The following ZBP1 variants were observed in gnomAD, a reference collection of about 807,000 sequenced individuals.
ZBP1 encodes the protein Z-DNA binding protein 1.
ZBP1 carries 42 observed loss-of-function variants against 41.1 expected under a neutral mutation model. That is an observed-to-expected ratio of 1.02 (90% CI 0.80 to 1.32). ZBP1 has a LOEUF of 1.32. Among genes scored for constraint, ZBP1 ranks in the 40% most tolerant of loss-of-function variants. The pLI is 0.00. For missense variants in ZBP1, 562 were observed against 549.7 expected (o/e 1.02, Z -0.22); for synonymous variants, 214 against 205.2 (o/e 1.04, Z -0.37).
rs1324690301 is a variant in ZBP1, at chr20:57,615,544, T to C, written c.296A>G (p.Glu99Gly). ...TTGGCTGAACTGAGGGCCAGGGGTC[T>C]CTGGAATTGTAGCTGCATGTTGCTG... ...RPQQHAATIP[E>G]TPGPQFSQQR... The change falls in exon 3 of 8, where the codon GAG (glutamate) becomes GGG (glycine). Residue 99 changes from glutamate to glycine, a missense_variant. Transcript: ENST00000371173. 3 of 1,613,016 alleles carry C rather than the reference T, an allele frequency of 1.9e-6. No homozygotes were observed. The African/African-American group carries it at 4.0e-5, about 22-fold the overall frequency.
chr20:57,612,960 G>A (rs763777687), intron 5 of ZBP1: 46 of 1,430,446 alleles, frequency 3.2e-5, no homozygotes, highest in Non-Finnish European at 3.9e-5. Flanking sequence ...AAGTATCAGA[G>A]TACAGGGAAA....
At chr20:57,608,306 T>G (rs965919077) in intron 7 of ZBP1, among the ~76,000 whole-genome samples, 1 of 152,156 alleles carries the variant, frequency 6.6e-6, no homozygotes, top group Non-Finnish European at 1.5e-5. Context: ...TATTTTTTAG[T>G]AGAGAGAGGG....
chr20:57,607,233 C>G lies in ZBP1; in HGVS notation c.1094-2464G>C, dbSNP rs1331776596. ...TCAAACTATCAACATTCACAGGAGT[C>G]TGGAAGAAGTTGATTCCAAATTTCA... is the stretch of plus-strand genomic sequence containing the variant. On this transcript the variant is annotated intron_variant, in intron 7 of 7. Coordinates refer to ENST00000371173, the MANE Select transcript of ZBP1 (RefSeq NM_030776.3). 5.4e-6 allele frequency: 7 copies of G among 1,303,656 alleles called. No individual in the cohort carries two copies. The African/African-American group carries it at 9.1e-5, about 17-fold the overall frequency. 80.8% of individuals were successfully genotyped at this position (1,303,656 alleles called of 1,614,324 possible).
In ZBP1 at chr20:57,610,091, A is replaced by C; in HGVS notation, c.1093+58T>G. The C allele has an allele frequency of 6.6e-7, 1 of 1,512,064 alleles. No individual in the cohort carries two copies. The highest frequency in any genetic ancestry group is 9.2e-7 in the Non-Finnish European group (1 of 1,092,838). The allele number at this position is 1,512,064 out of a possible 1,614,324, so 93.7% of individuals were successfully genotyped here. ...ATCGATGAGAGTGAATGAATGAATGAGTGGAAGGTGGGGAGAGAGAGAGAA... is the reference window on the plus strand; with the variant it reads ...ATCGATGAGAGTGAATGAATGAATGCGTGGAAGGTGGGGAGAGAGAGAGAA... On this transcript the variant is annotated intron_variant, in intron 7 of 7. Transcript: ENST00000371173. The surrounding 1 kb of genome is among the most constrained non-coding windows in gnomAD (Gnocchi z 5.5).
At chr20:57,608,572 G>A (rs1360821017) in intron 7 of ZBP1, among the ~76,000 whole-genome samples, 1 of 152,240 alleles carries the variant, frequency 6.6e-6, no homozygotes, top group East Asian at 1.9e-4. Context: ...CCCTCCCAAG[G>A]GTCCCCAGTG....
chr20:57,614,805 C>T, intron 4 of ZBP1, 82 bp downstream of exon 4: 2 of 1,556,882 alleles, frequency 1.3e-6, no homozygotes, highest in Non-Finnish European at 1.7e-6. Flanking sequence ...CGGTGAGCTG[C>T]TCAGCAGAGC....
chr20:57,605,713 T>C (rs1458230443), intron 7 of ZBP1, among the ~76,000 whole-genome samples: 3 of 152,156 alleles, frequency 2.0e-5, no homozygotes, highest in Non-Finnish European at 4.4e-5. Context: ...GGTGGGCAGA[T>C]CACCTGAGGT....
chr20:57,607,534 G>A (rs1236332208), intron 7 of ZBP1, among the ~76,000 whole-genome samples: 2 of 152,254 alleles, frequency 1.3e-5, no homozygotes, highest in East Asian at 3.8e-4. Flanking sequence ...TAAAGCAGCA[G>A]CAGGGTTGGG....
At chr20:57,620,094 C>T in intron 1 of ZBP1, 168 bp downstream of exon 1, 1 of 777,612 alleles carries the variant, frequency 1.3e-6, no homozygotes, top group Non-Finnish European at 2.1e-6. Flanking sequence ...ACCTCGCCTC[C>T]CAAAGTGCTG....
chr20:57,620,386 G>C lies in ZBP1; in HGVS notation c.-91C>G, dbSNP rs1008894119. 6.8e-7 allele frequency: 1 copy of C among 1,465,346 alleles called. No homozygotes were observed. The highest frequency in any genetic ancestry group is 9.3e-7 in the Non-Finnish European group (1 of 1,080,882). The allele number at this position is 1,465,346 out of a possible 1,614,324, so 90.8% of individuals were successfully genotyped here. A position where few individuals can be genotyped will look rare whatever the true frequency, so the allele number is the denominator to read the frequency against. On this transcript the variant is annotated 5_prime_UTR_variant, in exon 1 of 8. Transcript: ENST00000371173. Reference sequence around the variant, plus strand: ...GAGAGGGTGGGCTAGGTCGAGGCTGGGGCTTCTGAAGTGGCCGAGCCTGGT... The same window carrying C: ...GAGAGGGTGGGCTAGGTCGAGGCTGCGGCTTCTGAAGTGGCCGAGCCTGGT...
chr20:57,611,811 C>A lies in ZBP1; in HGVS notation c.790G>T (p.Val264Leu). 6.2e-7 allele frequency: 1 copy of A among 1,611,918 alleles called. No individual in the cohort carries two copies. The highest frequency in any genetic ancestry group is 1.1e-5 in the South Asian group (1 of 90,304). The stretch of plus-strand genomic sequence containing the variant: ...ATCTCATTGCTGTGTCCCAGCTGCA[C>A]CCGTCTCAGTATGGACTGCTCCATG... Reference protein sequence around the residue: ...IHMEQSILRRVQLGHSNEMRL... With the variant: ...IHMEQSILRRLQLGHSNEMRL... The change falls in exon 6 of 8, where the codon GTG (valine) becomes TTG (leucine). Residue 264 changes from valine (V) to leucine (L), a missense_variant. Physicochemically the swap from Val to Leu is conservative, Grantham distance 32. Coordinates refer to ENST00000371173, the MANE Select transcript of ZBP1 (RefSeq NM_030776.3).
chr20:57,620,033 C>T (rs185985633), intron 1 of ZBP1, among the ~76,000 whole-genome samples: 174 of 152,248 alleles, frequency 1.1e-3, no homozygotes, highest in African/African-American at 3.8e-3. Context: ...GATGGGGTTT[C>T]GCCATGTTGG....
chr20:57,612,839 A>G, intron 5 of ZBP1: 1 of 1,081,156 alleles, frequency 9.2e-7, no homozygotes, highest in Non-Finnish European at 1.2e-6. Context: ...AAAACACCGG[A>G]CCCCATTGAA....
In ZBP1 at chr20:57,613,388, A is replaced by G. The variant is rs1278860787; in HGVS notation, c.503-58T>C. ...CACTGTCTATGGGTCAGGGGTTCCC[A>G]ATACCAGTCGGCAGCACCAAATTCT... On this transcript the variant is annotated intron_variant, in intron 4 of 7. Transcript: ENST00000371173. The surrounding 1 kb of genome is among the most constrained non-coding windows in gnomAD (Gnocchi z 4.5). 67 of 1,560,610 alleles carry G rather than the reference A, an allele frequency of 4.3e-5. No individual in the cohort carries two copies. The highest frequency in any genetic ancestry group is 5.6e-5 in the Non-Finnish European group (64 of 1,149,854).
chr20:57,616,535 C>T, intron 1 of ZBP1, 67 bp from the exon 2 acceptor site: 1 of 1,579,394 alleles, frequency 6.3e-7, no homozygotes, highest in Non-Finnish European at 8.7e-7. Context: ...TGAGCCCAGG[C>T]TGGAGGCTCC....
At chr20:57,604,801 T>C (rs1399107089) in intron 7 of ZBP1, 32 bp from the exon 8 acceptor site, 1 of 1,597,514 alleles carries the variant, frequency 6.3e-7, no homozygotes, top group Admixed American at 1.7e-5. Flanking sequence ...ATCAGCTTCA[T>C]GGGCACGTGG....
In ZBP1 at chr20:57,611,743, G is replaced by T; in HGVS notation, c.858C>A (p.Pro286=). The T allele has an allele frequency of 6.2e-7, 1 of 1,610,882 alleles. No individual in the cohort carries two copies. Among genetic ancestry groups the T allele is most frequent in the Non-Finnish European group, 8.5e-7 (1 of 1,179,130 alleles). Residue 286 remains proline (P), a synonymous_variant, in exon 6 of 8, where the codon CCC becomes CCA. Coordinates refer to ENST00000371173, the MANE Select transcript of ZBP1 (RefSeq NM_030776.3). ...CCCAGTTACCTGGGGGGCTGCCAGG[G>T]GGGATGTGGGCAGGGCCCTCGGACG... ...GVPSEGPAHI[P]PGSPPVSATA... is the part of the protein sequence containing the mutation.
At position 57,604,370 on chromosome 20, in the gene ZBP1, C is replaced by T. The variant is rs563334593; in HGVS notation, c.*203G>A. The T allele has an allele frequency of 1.4e-6, 1 of 714,348 alleles. No homozygotes were observed. The highest frequency in any genetic ancestry group is 1.5e-5 in the South Asian group (1 of 67,382). 44.3% of individuals were successfully genotyped at this position (714,348 alleles called of 1,614,324 possible). On this transcript the variant is annotated 3_prime_UTR_variant, in exon 8 of 8. Transcript: ENST00000371173. ...ACCAAAGGTTCCCCAAGGCAACTCC[C>T]TGTCATCTACTCCTGGCCATCAAAA...
chr20:57,607,050 C>A (rs1181779281), intron 7 of ZBP1: 2 of 1,296,008 alleles, frequency 1.5e-6, no homozygotes, highest in Non-Finnish European at 1.0e-6. Flanking sequence ...GTAACTTCAA[C>A]ATTCACTTCT....
Sources: allele counts gnomAD v4.1 joint callset (sites outside exome capture counted in the v4.1 genomes callset), GRCh38; gene constraint gnomAD v4.1.1; non-coding constraint Gnocchi (gnomAD v3.1); transcripts MANE v1.5; gene names NCBI Gene and HGNC (gene_info 2026-07-23, HGNC 2026-07-21).